Variants in NUDCD2 observed in about 807,000 individuals in gnomAD.
NUDCD2 encodes nudC domain-containing protein 2.
Under a neutral mutation model 20.8 loss-of-function variants are expected in NUDCD2, and 16 were observed. That is an observed-to-expected ratio of 0.77 (90% CI 0.52 to 1.17). The LOEUF (loss-of-function observed/expected upper bound fraction) is 1.17, where lower values mean the gene tolerates loss of function less well. Among genes scored for constraint, NUDCD2 ranks in the 50% most tolerant of loss-of-function variants. The pLI is 0.00. For missense variants in NUDCD2, 199 were observed against 193.9 expected, an observed-to-expected ratio of 1.03 and a Z score of -0.16; for synonymous variants, 87 against 72.8, an observed-to-expected ratio of 1.20 and a Z score of -1.00.
chr5:163,451,060 T>C lies in NUDCD2; in HGVS notation c.*2907A>G, dbSNP rs1041561756. 6.6e-6 allele frequency: 1 copy of C among 152,200 alleles called. No homozygotes were observed. The highest frequency in any genetic ancestry group is 6.5e-5 in the Admixed American group (1 of 15,284). The allele number at this position is 152,200 out of a possible 1,614,324, so 9.4% of individuals were successfully genotyped here. A position where few individuals can be genotyped will look rare whatever the true frequency, so the allele number is the denominator to read the frequency against. On this transcript the variant is annotated 3_prime_UTR_variant, in exon 4 of 4. Transcript: ENST00000302764. ...CCAAAGACCACGTATTATGATTCCA[T>C]GTACATGAAATGTCCAGAATAAGGA...
chr5:163,457,408 C>A (rs1210237202), intron 2 of NUDCD2, among the ~76,000 whole-genome samples, 154 bp downstream of exon 2: 1 of 152,078 alleles, frequency 6.6e-6, no homozygotes, highest in Admixed American at 6.6e-5. Flanking sequence ...TTTTTTCTCC[C>A]CCCACTAGGT....
intron 1 of NUDCD2, among the ~76,000 whole-genome samples, chr5:163,458,128 G>A (rs967179580): frequency 3.3e-5 from 5 of 151,142 alleles, no homozygotes; most frequent in Admixed American, 1.3e-4. Flanking sequence ...GACTACAGGC[G>A]CCCGCCACCA....
rs1028131299 is a variant in NUDCD2 at position 163,451,292 on chromosome 5, TTTC to T, written c.*2672_*2674del. 5.3e-5 allele frequency: 8 copies of T among 152,224 alleles called. No homozygotes were observed. Among genetic ancestry groups the T allele is most frequent in the African/African-American group, 1.9e-4 (8 of 41,468 alleles). 9.4% of individuals were successfully genotyped at this position (152,224 alleles called of 1,614,324 possible). ...ATGTATGTTGTTACAATAAAGCGTT[TTTC>T]TTAATTATATATGATCCCATTTATA... On this transcript the variant is annotated 3_prime_UTR_variant, in exon 4 of 4. Transcript: ENST00000302764.
chr5:163,456,117 G>C (rs142544754), intron 3 of NUDCD2, among the ~76,000 whole-genome samples: 1 of 152,156 alleles, frequency 6.6e-6, no homozygotes, highest in South Asian at 2.1e-4. Context: ...TAGATAGCCA[G>C]GTGGAGATGT....
At chr5:163,454,436 G>A (rs572111306) in intron 3 of NUDCD2, among the ~76,000 whole-genome samples, 35 of 152,278 alleles carry the variant, frequency 2.3e-4, no homozygotes, top group African/African-American at 6.7e-4. Flanking sequence ...CTGCCTCCCA[G>A]GTTCAAGCGA....
In NUDCD2 at chr5:163,450,987, G is replaced by A. The variant is rs771594966; in HGVS notation, c.*2980C>T. 2 of 152,290 alleles carry A rather than the reference G, an allele frequency of 1.3e-5. No homozygotes were observed. The highest frequency in any genetic ancestry group is 3.9e-4 in the East Asian group (2 of 5,184). The allele number at this position is 152,290 out of a possible 1,614,324, so 9.4% of individuals were successfully genotyped here. A position where few individuals can be genotyped will look rare whatever the true frequency, so the allele number is the denominator to read the frequency against. ...CTAATGAATGTGCTGATACATGCTC[G>A]AATATAGATGAACCTCTTAAGACAT... On this transcript the variant is annotated 3_prime_UTR_variant, in exon 4 of 4. Transcript: ENST00000302764.
rs933397757 is a variant in NUDCD2 at position 163,450,262 on chromosome 5, AAAAAAG to A, written c.*3699_*3704del. ...GGTGACAGAGTGAGAATGTGAGTCA[AAAAAAG>A]AAAAAAGAAAAATTCCTCATGACCT... On this transcript the variant is annotated 3_prime_UTR_variant, in exon 4 of 4. Transcript: ENST00000302764. The A allele has an allele frequency of 6.6e-6, 1 of 152,188 alleles. No homozygotes were observed. The highest frequency in any genetic ancestry group is 1.5e-5 in the Non-Finnish European group (1 of 68,068). 9.4% of individuals were successfully genotyped at this position (152,188 alleles called of 1,614,324 possible).
rs1414642047 is a variant in NUDCD2 at position 163,459,862 on chromosome 5, C to T, written c.189G>A (p.Lys63=). 4.4e-6 allele frequency: 7 copies of T among 1,601,204 alleles called. No homozygotes were observed. The highest frequency in any genetic ancestry group is 1.3e-5 in the African/African-American group (1 of 74,644). The change falls in exon 1 of 4, where the codon AAG becomes AAA. Residue 63 remains lysine, a splice_region_variant and synonymous_variant. Coordinates refer to ENST00000302764, the MANE Select transcript of NUDCD2 (RefSeq NM_145266.6). Reference sequence around the variant, plus strand: ...AACACAAGCCCCGAGCTGCCGCTACCTTGAGGATCTCGCGGCCGCCCACCG... The same window carrying T: ...AACACAAGCCCCGAGCTGCCGCTACTTTGAGGATCTCGCGGCCGCCCACCG... The part of the protein sequence containing the change: ...ALSVGGREIL[K]GKLFDSTIAD...
In NUDCD2 at chr5:163,460,100, C is replaced by G; in HGVS notation, c.-50G>C. On this transcript the variant is annotated 5_prime_UTR_variant, in exon 1 of 4. Transcript: ENST00000302764. ...CGCACCAGGCGGAGCCGAGCGCACG[C>G]GCGGAATCCCACGCTTAGGCTACGC... 6.7e-7 allele frequency: 1 copy of G among 1,481,666 alleles called. No homozygotes were observed. 91.8% of individuals were successfully genotyped at this position (1,481,666 alleles called of 1,614,324 possible). A position where few individuals can be genotyped will look rare whatever the true frequency, so the allele number is the denominator to read the frequency against.
chr5:163,456,247 C>T (rs1363743270), intron 3 of NUDCD2, among the ~76,000 whole-genome samples: 1 of 152,140 alleles, frequency 6.6e-6, no homozygotes, highest in Admixed American at 6.5e-5. Flanking sequence ...CTAGCAATTC[C>T]TCTCCTAGAT....
Position 163,449,836 on chromosome 5 carries a change from T to TAA in NUDCD2, c.*4129_*4130dup, listed in dbSNP as rs747042670. 3.3e-5 allele frequency: 5 copies of TAA among 152,158 alleles called. No homozygotes were observed. Among genetic ancestry groups the TAA allele is most frequent in the Non-Finnish European group, 5.9e-5 (4 of 68,018 alleles). 9.4% of individuals were successfully genotyped at this position (152,158 alleles called of 1,614,324 possible). ...TGGAGAGTTTTTCAACAGACGATTT[T>TAA]AAAACAACTGAACATCCATATGCAA... On this transcript the variant is annotated 3_prime_UTR_variant, in exon 4 of 4. Transcript: ENST00000302764.
At chr5:163,457,471 G>C in intron 2 of NUDCD2, 91 bp downstream of exon 2, 1 of 801,546 alleles carries the variant, frequency 1.2e-6, no homozygotes, top group Non-Finnish European at 2.1e-6. Context: ...ATCTTTCAAA[G>C]CTGCAAAGAC....
At position 163,449,867 on chromosome 5, in the gene NUDCD2, T is replaced by A. The variant is rs1429052630; in HGVS notation, c.*4100A>T. ...AACTGAACATCCATATGCAAAAAAATAAACCTACCTAAATTTCACAGCTTA... is the reference window on the plus strand; with the variant it reads ...AACTGAACATCCATATGCAAAAAAAAAAACCTACCTAAATTTCACAGCTTA... On this transcript the variant is annotated 3_prime_UTR_variant, in exon 4 of 4. Coordinates refer to ENST00000302764, the MANE Select transcript of NUDCD2 (RefSeq NM_145266.6). The A allele has an allele frequency of 6.6e-6, 1 of 152,044 alleles. No individual in the cohort carries two copies. Among genetic ancestry groups the A allele is most frequent in the Non-Finnish European group, 1.5e-5 (1 of 67,998 alleles). The allele number at this position is 152,044 out of a possible 1,614,324, so 9.4% of individuals were successfully genotyped here.
chr5:163,457,086 A>G lies in NUDCD2; in HGVS notation c.239-6T>C. On this transcript the variant is annotated splice_region_variant and splice_polypyrimidine_tract_variant and intron_variant, in intron 2 of 3. Transcript: ENST00000302764. Reference sequence around the variant, plus strand: ...ACGAACCATTTTTCTGTCCTCTAAAAAAAAAACACACACACACACACGCAC... The same window carrying G: ...ACGAACCATTTTTCTGTCCTCTAAAGAAAAAACACACACACACACACGCAC... 1.3e-6 allele frequency: 2 copies of G among 1,589,810 alleles called. No individual in the cohort carries two copies. The highest frequency in any genetic ancestry group is 1.7e-4 in the Middle Eastern group (1 of 5,918).
At chr5:163,457,179 T>C (rs2113425094) in intron 2 of NUDCD2, 99 bp from the exon 3 acceptor site, 4 of 1,258,750 alleles carry the variant, frequency 3.2e-6, no homozygotes, top group African/African-American at 3.1e-5. Context: ...TCACCCAGGC[T>C]GGAGTGCAGC....
rs1758129015 is a variant in NUDCD2, at chr5:163,449,749, A to T, written c.*4218T>A. On this transcript the variant is annotated 3_prime_UTR_variant, in exon 4 of 4. Coordinates refer to ENST00000302764, the MANE Select transcript of NUDCD2 (RefSeq NM_145266.6). ...ATAGATCGATGGAATAAAGTCCAAAACCAGACTCACATAAATAGCAATTGA... is the reference window on the plus strand; with the variant it reads ...ATAGATCGATGGAATAAAGTCCAAATCCAGACTCACATAAATAGCAATTGA... 2 of 152,340 alleles carry T rather than the reference A, an allele frequency of 1.3e-5. No homozygotes were observed. Among genetic ancestry groups the T allele is most frequent in the South Asian group, 4.1e-4 (2 of 4,826 alleles). The allele number at this position is 152,340 out of a possible 1,614,324, so 9.4% of individuals were successfully genotyped here. A position where few individuals can be genotyped will look rare whatever the true frequency, so the allele number is the denominator to read the frequency against.
Position 163,453,975 on chromosome 5 carries a change from C to A in NUDCD2, c.466G>T (p.Glu156Ter). The change falls in exon 4 of 4, where the codon GAG becomes TAG. Residue 156 changes from glutamate (E) to a stop codon, truncating the protein, a stop_gained. Transcript: ENST00000302764. LOFTEE classifies it high-confidence loss of function. ...TKGGPDFSNL[E>*]K ...TGCAGGAAAAAAAGCAGTTATTTCT[C>A]AAGGTTTGAGAAATCTGGTCCACCT... is the stretch of plus-strand genomic sequence containing the variant. The A allele has an allele frequency of 6.5e-7, 1 of 1,528,728 alleles. No individual in the cohort carries two copies. The highest frequency in any genetic ancestry group is 8.8e-7 in the Non-Finnish European group (1 of 1,132,080). The allele number at this position is 1,528,728 out of a possible 1,614,324, so 94.7% of individuals were successfully genotyped here.
Position 163,457,091 on chromosome 5 carries a change from A to AACACAC in NUDCD2, c.239-17_239-12dup. 6.7e-7 allele frequency: 1 copy of AACACAC among 1,491,428 alleles called. No individual in the cohort carries two copies. The highest frequency in any genetic ancestry group is 9.1e-7 in the Non-Finnish European group (1 of 1,099,358). The allele number at this position is 1,491,428 out of a possible 1,614,324, so 92.4% of individuals were successfully genotyped here. A position where few individuals can be genotyped will look rare whatever the true frequency, so the allele number is the denominator to read the frequency against. On this transcript the variant is annotated splice_polypyrimidine_tract_variant and intron_variant, in intron 2 of 3. Transcript: ENST00000302764. ...CCATTTTTCTGTCCTCTAAAAAAAA[A>AACACAC]ACACACACACACACACGCACAAATA... is the stretch of plus-strand genomic sequence containing the variant.
chr5:163,459,711 G>A, intron 1 of NUDCD2, 151 bp downstream of exon 1: 1 of 563,236 alleles, frequency 1.8e-6, no homozygotes. Flanking sequence ...AGAGGCGGGG[G>A]CTCTGACCAG....
Sources: gnomAD v4.1 joint callset for allele counts (sites outside exome capture counted in the v4.1 genomes callset) on GRCh38, gnomAD v4.1.1 for gene constraint, MANE v1.5 for transcripts, NCBI Gene and HGNC (gene_info 2026-07-23, HGNC 2026-07-21) for gene names.